FAM185A: variants seen among roughly 807,000 people sequenced by gnomAD.
The protein encoded by FAM185A is family with sequence similarity 185 member A, also known as protein FAM185A.
Under a neutral mutation model 45.7 loss-of-function variants are expected in FAM185A, and 21 were observed. The observed-to-expected ratio is 0.46, with a 90% CI of 0.33 to 0.66. The LOEUF (loss-of-function observed/expected upper bound fraction) is 0.66. FAM185A is among the 30% of genes least tolerant of loss of function. The pLI is 0.03. For missense variants in FAM185A, 305 were observed against 485.4 expected, an observed-to-expected ratio of 0.63 and a Z score of 3.49; for synonymous variants, 117 against 194.0, an observed-to-expected ratio of 0.60 and a Z score of 3.30.
At chr7:102,751,572 T>C in intron 1 of FAM185A, 120 bp from the exon 2 acceptor site, 4 of 1,213,506 alleles carry the variant, frequency 3.3e-6, no homozygotes, top group Non-Finnish European at 4.4e-6. Context: ...CTTTACAGTA[T>C]GCACTTTCCA....
intron 2 of FAM185A, chr7:102,755,796 G>A: frequency 1.5e-6 from 1 of 660,474 alleles, no homozygotes; most frequent in Non-Finnish European, 2.8e-6. Flanking sequence ...TAAGCTGATG[G>A]AAGCTATCGG....
intron 2 of FAM185A, among the ~76,000 whole-genome samples, chr7:102,754,808 C>G (rs1459688517): frequency 1.3e-5 from 2 of 152,234 alleles, no homozygotes; most frequent in Non-Finnish European, 2.9e-5. Context: ...GGCAACAGAC[C>G]CTTAACTAAT....
intron 5 of FAM185A, among the ~76,000 whole-genome samples, chr7:102,776,116 A>ACATATACACACACACACACACACT (rs1198677194): frequency 1.6e-5 from 2 of 126,598 alleles, no homozygotes; most frequent in African/African-American, 3.7e-5. Flanking sequence ...ACACACACAC[A>ACATATACACACACACACACACACT]AATGTTTTCT....
At chr7:102,779,557 G>T (rs1350805177) in intron 6 of FAM185A, among the ~76,000 whole-genome samples, 1 of 152,146 alleles carries the variant, frequency 6.6e-6, no homozygotes, top group Non-Finnish European at 1.5e-5. Context: ...AGTATGTTTG[G>T]TAGAAAAACG....
chr7:102,825,121 C>G, the FAM185A span, among the ~76,000 whole-genome samples: 2 of 152,114 alleles, frequency 1.3e-5, no homozygotes, highest in Non-Finnish European at 2.9e-5. Context: ...TAAATACAGT[C>G]TTTTCCAAGT....
chr7:102,821,905 A>T, the FAM185A span: 1 of 1,006,634 alleles, frequency 9.9e-7, no homozygotes, highest in Non-Finnish European at 1.4e-6. Context: ...TGTTAGCTTC[A>T]ATTAGGCAAA....
the FAM185A span, among the ~76,000 whole-genome samples, chr7:102,846,321 AAATT>A: frequency 6.6e-6 from 1 of 152,184 alleles, no homozygotes; most frequent in Non-Finnish European, 1.5e-5. Context: ...CATTTTCACA[AAATT>A]AATTAATCTG....
In FAM185A at chr7:102,808,476, C is replaced by T; in HGVS notation, c.*74C>T. The T allele has an allele frequency of 2.2e-6, 2 of 924,134 alleles. No individual in the cohort carries two copies. Among genetic ancestry groups the T allele is most frequent in the South Asian group, 2.9e-5 (2 of 69,538 alleles). The allele number at this position is 924,134 out of a possible 1,614,324, so 57.2% of individuals were successfully genotyped here. A position where few individuals can be genotyped will look rare whatever the true frequency, so the allele number is the denominator to read the frequency against. The stretch of plus-strand genomic sequence containing the variant: ...GTGACTACAAAAATGTAAATCCCAC[C>T]ATTCATATAAAGGTTGAAAACAACA... On this transcript the variant is annotated 3_prime_UTR_variant, in exon 8 of 8. Transcript: ENST00000413034.
At chr7:102,844,326 T>C in the FAM185A span, among the ~76,000 whole-genome samples, 2 of 151,992 alleles carry the variant, frequency 1.3e-5, no homozygotes, top group South Asian at 2.1e-4. Flanking sequence ...AACCAGAAAA[T>C]ATAAAGAGAA....
At chr7:102,845,971 C>A in the FAM185A span, among the ~76,000 whole-genome samples, 1 of 152,146 alleles carries the variant, frequency 6.6e-6, no homozygotes, top group African/African-American at 2.4e-5. Context: ...CATGTACTTA[C>A]CTGTTTCATG....
At chr7:102,832,104 G>A in the FAM185A span, among the ~76,000 whole-genome samples, 4 of 152,184 alleles carry the variant, frequency 2.6e-5, no homozygotes, top group African/African-American at 9.6e-5. Flanking sequence ...CGATGGTTAT[G>A]TCCAGGTGGT....
chr7:102,788,167 C>T (rs1309174874), intron 7 of FAM185A, among the ~76,000 whole-genome samples: 1 of 152,054 alleles, frequency 6.6e-6, no homozygotes, highest in Non-Finnish European at 1.5e-5. Flanking sequence ...CAGGGTTTTA[C>T]CATGTTGGCC....
At chr7:102,807,334 T>C (rs920799562) in intron 7 of FAM185A, among the ~76,000 whole-genome samples, 1 of 152,184 alleles carries the variant, frequency 6.6e-6, no homozygotes, top group African/African-American at 2.4e-5. Context: ...CTTACTACAT[T>C]GTATACTTTA....
At chr7:102,837,744 TG>T in the FAM185A span, among the ~76,000 whole-genome samples, 1 of 152,226 alleles carries the variant, frequency 6.6e-6, no homozygotes, top group African/African-American at 2.4e-5. Flanking sequence ...GGTCTCACTA[TG>T]TTGCCCAGGC....
chr7:102,842,975 A>G, the FAM185A span, among the ~76,000 whole-genome samples: 1 of 152,192 alleles, frequency 6.6e-6, no homozygotes, highest in South Asian at 2.1e-4. Flanking sequence ...ATTGTGCCAC[A>G]TGGCTGCCGC....
intron 6 of FAM185A, chr7:102,779,678 G>A (rs912279827): frequency 1.3e-5 from 2 of 151,962 alleles, no homozygotes; most frequent in African/African-American, 4.8e-5. Flanking sequence ...TTTGAACCCT[G>A]GAAAGCAATT....
At chr7:102,797,895 A>T (rs1796531785) in intron 7 of FAM185A, among the ~76,000 whole-genome samples, 1 of 152,234 alleles carries the variant, frequency 6.6e-6, no homozygotes, top group Admixed American at 6.5e-5. Flanking sequence ...GGGAGGCAGG[A>T]AAAAGCTCAC....
intron 7 of FAM185A, among the ~76,000 whole-genome samples, chr7:102,791,962 A>T (rs1335936733): frequency 3.3e-5 from 5 of 152,154 alleles, no homozygotes; most frequent in African/African-American, 1.2e-4. Context: ...AATAATGAGC[A>T]GCTTTATATG....
At chr7:102,765,617 T>C (rs1381905877) in intron 4 of FAM185A, among the ~76,000 whole-genome samples, 1 of 152,128 alleles carries the variant, frequency 6.6e-6, no homozygotes, top group Non-Finnish European at 1.5e-5. Context: ...TTCCTATGTA[T>C]AGAGAAGAAA....
Sources: allele counts gnomAD v4.1 joint callset (sites outside exome capture counted in the v4.1 genomes callset), GRCh38; gene constraint gnomAD v4.1.1; transcripts MANE v1.5; gene names NCBI Gene and HGNC (gene_info 2026-07-23, HGNC 2026-07-21).